Variants in YEATS4 observed in about 807,000 individuals in gnomAD.
YEATS4 encodes YEATS domain-containing protein 4.
Under a neutral mutation model 30.1 loss-of-function variants are expected in YEATS4, and 17 were observed. That is an observed-to-expected ratio of 0.56 (90% CI 0.39 to 0.85). YEATS4 has a LOEUF of 0.85. Ranked by LOEUF, YEATS4 falls within the 40% of genes least tolerant of loss-of-function variation. The pLI is 0.00. For missense variants in YEATS4, 142 were observed against 268.3 expected, an observed-to-expected ratio of 0.53 and a Z score of 3.29; for synonymous variants, 85 against 87.5, an observed-to-expected ratio of 0.97 and a Z score of 0.16.
At position 69,362,772 on chromosome 12, in the gene YEATS4, A is replaced by T. The variant is rs1245042159; in HGVS notation, c.52-16A>T. 1 of 1,578,480 alleles carries T rather than the reference A, an allele frequency of 6.3e-7. No homozygotes were observed. The highest frequency in any genetic ancestry group is 1.8e-5 in the Admixed American group (1 of 56,392). On this transcript the variant is annotated splice_polypyrimidine_tract_variant and intron_variant, in intron 1 of 6. Coordinates refer to ENST00000247843, the MANE Select transcript of YEATS4 (RefSeq NM_006530.4). ...TGGTACAATATTCATTTATTTTAAA[A>T]TTATTTTTCTTTTAGGGTGTTACTA...
the YEATS4 span, among the ~76,000 whole-genome samples, chr12:69,419,198 G>A: frequency 0.013 from 1,904 of 142,690 alleles, 48 homozygotes; most frequent in African/African-American, 0.046. Context: ...TACACCTATT[G>A]TGCTCATCCT....
chr12:69,426,014 C>T, the YEATS4 span, among the ~76,000 whole-genome samples: 2 of 152,188 alleles, frequency 1.3e-5, no homozygotes, highest in Non-Finnish European at 2.9e-5. Context: ...GCAGGAGGAT[C>T]GCTTGAGGCG....
chr12:69,408,484 G>A, the YEATS4 span, among the ~76,000 whole-genome samples: 2 of 152,234 alleles, frequency 1.3e-5, no homozygotes, highest in Non-Finnish European at 1.5e-5. Context: ...GCGCATGTGC[G>A]TGCGTGTGTG....
chr12:69,394,392 A>G (rs1868336238), downstream of YEATS4, among the ~76,000 whole-genome samples: 1 of 152,244 alleles, frequency 6.6e-6, no homozygotes, highest in Non-Finnish European at 1.5e-5. Context: ...ACCACTGGCA[A>G]AAGGAGCAAA....
intron 6 of YEATS4, among the ~76,000 whole-genome samples, chr12:69,387,464 T>C (rs1424558723): frequency 6.6e-6 from 1 of 152,194 alleles, no homozygotes; most frequent in East Asian, 1.9e-4. Context: ...ACAAATATAC[T>C]AAAATGATTA....
chr12:69,419,223 T>TC, the YEATS4 span, among the ~76,000 whole-genome samples: 2 of 144,374 alleles, frequency 1.4e-5, no homozygotes, highest in African/African-American at 2.5e-5. Context: ...TACTTTTTTT[T>TC]TTTTTTTTTT....
the YEATS4 span, chr12:69,422,952 G>T: frequency 6.6e-6 from 1 of 152,334 alleles, no homozygotes. Context: ...CCCTGATTTA[G>T]ACCTAATGGT....
chr12:69,367,626 A>G (rs1235932094), intron 4 of YEATS4, among the ~76,000 whole-genome samples: 2 of 152,172 alleles, frequency 1.3e-5, no homozygotes, highest in Admixed American at 1.3e-4. Flanking sequence ...TTGCCCTCCC[A>G]AGGTGCTGGG....
the YEATS4 span, among the ~76,000 whole-genome samples, chr12:69,408,316 C>T: frequency 6.6e-6 from 1 of 152,172 alleles, no homozygotes; most frequent in African/African-American, 2.4e-5. Flanking sequence ...ATACTAATTT[C>T]TCATTTTTAT....
chr12:69,376,466 T>C (rs1298440615), intron 6 of YEATS4, among the ~76,000 whole-genome samples: 1 of 152,268 alleles, frequency 6.6e-6, no homozygotes, highest in Non-Finnish European at 1.5e-5. Flanking sequence ...TCAATTGAAA[T>C]GATCATATGG....
the YEATS4 span, among the ~76,000 whole-genome samples, chr12:69,400,454 C>A: frequency 1.3e-5 from 2 of 151,426 alleles, no homozygotes; most frequent in African/African-American, 4.9e-5. Context: ...ATGTATATCT[C>A]CTACAAATTG....
At chr12:69,419,014 C>CATATAT in the YEATS4 span, among the ~76,000 whole-genome samples, 468 of 143,342 alleles carry the variant, frequency 3.3e-3, 5 homozygotes, top group South Asian at 0.028. Context: ...TAATTTAAGC[C>CATATAT]ATATATATAT....
chr12:69,382,208 C>T (rs1460524683), intron 6 of YEATS4, among the ~76,000 whole-genome samples: 4 of 152,224 alleles, frequency 2.6e-5, no homozygotes, highest in African/African-American at 9.6e-5. Context: ...TCGAGACTCA[C>T]CACCCAATCT....
At chr12:69,374,617 AT>A (rs1191361133) in intron 6 of YEATS4, among the ~76,000 whole-genome samples, 7 of 151,700 alleles carry the variant, frequency 4.6e-5, no homozygotes, top group Admixed American at 2.6e-4. Flanking sequence ...GCCTTCAAGC[AT>A]CTGTTTAACA....
At chr12:69,367,818 G>A (rs1434757958) in intron 4 of YEATS4, among the ~76,000 whole-genome samples, 2 of 152,208 alleles carry the variant, frequency 1.3e-5, no homozygotes, top group Non-Finnish European at 2.9e-5. Context: ...GAGAGAAGCA[G>A]CTCATATGTT....
At chr12:69,392,408 G>A (rs1035746106), downstream of YEATS4, among the ~76,000 whole-genome samples, 1 of 152,128 alleles carries the variant, frequency 6.6e-6, no homozygotes, top group African/African-American at 2.4e-5. Context: ...ATGAAAACAT[G>A]TTCACACAAA....
chr12:69,362,529 C>CT (rs1875263047), intron 1 of YEATS4, among the ~76,000 whole-genome samples: 1 of 152,108 alleles, frequency 6.6e-6, no homozygotes, highest in African/African-American at 2.4e-5. Context: ...TTTTGCATTT[C>CT]TTTTAACAAC....
At chr12:69,384,630 T>G (rs932225953) in intron 6 of YEATS4, among the ~76,000 whole-genome samples, 7 of 152,180 alleles carry the variant, frequency 4.6e-5, no homozygotes, top group African/African-American at 1.7e-4. Context: ...TTTTTGAAAA[T>G]CAGCCAGCCT....
At chr12:69,379,142 A>T (rs1336709111) in intron 6 of YEATS4, among the ~76,000 whole-genome samples, 1 of 152,052 alleles carries the variant, frequency 6.6e-6, no homozygotes, top group Non-Finnish European at 1.5e-5. Context: ...GCTCCATTGT[A>T]TGTTACTTGT....
Sources: allele counts gnomAD v4.1 joint callset (sites outside exome capture counted in the v4.1 genomes callset), GRCh38; gene constraint gnomAD v4.1.1; transcripts MANE v1.5; gene names NCBI Gene and HGNC (gene_info 2026-07-23, HGNC 2026-07-21).